Variants in FAM83B observed in about 807,000 individuals in gnomAD.
The protein encoded by FAM83B is protein FAM83B.
FAM83B carries 26 observed loss-of-function variants against 38.8 expected under a neutral mutation model. The observed-to-expected ratio is 0.67, with a 90% CI of 0.49 to 0.93. The LOEUF (loss-of-function observed/expected upper bound fraction) is 0.93. Ranked by LOEUF, FAM83B falls within the 40% of genes least tolerant of loss-of-function variation. The pLI, the probability that FAM83B is intolerant of heterozygous loss-of-function variation, is 0.00. For synonymous variants in FAM83B, 419 were observed against 423.1 expected (o/e 0.99, Z 0.12); for missense variants, 1,237 against 1,197.3 (o/e 1.03, Z -0.49).
chr6:54,921,890 TA>T (rs112085812), intron 2 of FAM83B, among the ~76,000 whole-genome samples: 75 of 149,844 alleles, frequency 5.0e-4, no homozygotes, highest in Admixed American at 6.0e-4. Context: ...ACCCATCATT[TA>T]AAAAAAAAAG....
intron 2 of FAM83B, among the ~76,000 whole-genome samples, chr6:54,908,846 A>AAATG (rs1253748759): frequency 1.1e-4 from 16 of 152,300 alleles, no homozygotes; most frequent in African/African-American, 3.6e-4. Context: ...GGAACCCCTC[A>AAATG]GGTATACCCA....
intron 1 of FAM83B, among the ~76,000 whole-genome samples, chr6:54,852,832 C>T (rs1466913396): frequency 6.6e-6 from 1 of 152,212 alleles, no homozygotes; most frequent in Non-Finnish European, 1.5e-5. Context: ...GAATTCAAGG[C>T]TGTTCAATCT....
At chr6:54,934,598 G>C (rs1020952819) in intron 4 of FAM83B, among the ~76,000 whole-genome samples, 1 of 152,030 alleles carries the variant, frequency 6.6e-6, no homozygotes, top group African/African-American at 2.4e-5. Flanking sequence ...GAGAGCTGAG[G>C]GTCTGATAAG....
At chr6:54,867,649 TGTTTTCATGGTTTG>T (rs1561907616) in intron 1 of FAM83B, among the ~76,000 whole-genome samples, 2 of 152,140 alleles carry the variant, frequency 1.3e-5, no homozygotes, top group African/African-American at 4.8e-5. Context: ...AATTTATCTA[TGTTTTCATGGTTTG>T]GTTTTCATGG....
At chr6:54,862,871 C>G (rs545721295) in intron 1 of FAM83B, among the ~76,000 whole-genome samples, 6 of 151,130 alleles carry the variant, frequency 4.0e-5, no homozygotes, top group Admixed American at 1.3e-4. Flanking sequence ...GTGCAAAAAC[C>G]CCCCCCCAAA....
At position 54,939,918 on chromosome 6, in the gene FAM83B, T is replaced by A. The variant is rs1773620412; in HGVS notation, c.947T>A (p.Val316Asp). ...CATTCGGTGTCTTCATTAGCATCTG[T>A]TTCCAGCCAGAGAAACCTTTTTGGT... ...YQHSVSSLASVSSQRNLFGRQ... is the reference protein window; with the variant it reads ...YQHSVSSLASDSSQRNLFGRQ... Residue 316 changes from valine to aspartate, a missense_variant, in exon 5 of 5, where the codon GTT (valine) becomes GAT (aspartate). By Grantham distance (152) the Val-to-Asp change is radical (BLOSUM62 -3). Transcript: ENST00000306858. 1 of 1,613,936 alleles carries A rather than the reference T, an allele frequency of 6.2e-7. No homozygotes were observed. Among genetic ancestry groups the A allele is most frequent in the Non-Finnish European group, 8.5e-7 (1 of 1,179,996 alleles).
Position 54,870,359 on chromosome 6 carries a change from A to G in FAM83B, c.113A>G (p.His38Arg), listed in dbSNP as rs770393974. 6 of 1,613,966 alleles carry G rather than the reference A, an allele frequency of 3.7e-6. No homozygotes were observed. Among genetic ancestry groups the G allele is most frequent in the Non-Finnish European group, 5.1e-6 (6 of 1,179,962 alleles). The change falls in exon 2 of 5, where the codon CAC (histidine) becomes CGC (arginine). Residue 38 changes from histidine (H) to arginine (R), a missense_variant. Physicochemically the swap from His to Arg is conservative, Grantham distance 29. Transcript: ENST00000306858. ...GTAGCCATTGATATTCTGATTGAACACGGGTTAGAAGCATACCAAGAATTT... is the reference window on the plus strand; with the variant it reads ...GTAGCCATTGATATTCTGATTGAACGCGGGTTAGAAGCATACCAAGAATTT... ...YRVAIDILIE[H>R]GLEAYQEFLV...
chr6:54,852,520 T>C (rs533444963), intron 1 of FAM83B, among the ~76,000 whole-genome samples: 1 of 152,292 alleles, frequency 6.6e-6, no homozygotes, highest in Non-Finnish European at 1.5e-5. Flanking sequence ...TCCCACTCCT[T>C]GGGCACAGTA....
chr6:54,917,035 G>A (rs1346902950), intron 2 of FAM83B, among the ~76,000 whole-genome samples: 1 of 152,140 alleles, frequency 6.6e-6, no homozygotes, highest in African/African-American at 2.4e-5. Context: ...AGGTACTGAT[G>A]ACACATAATT....
chr6:54,901,579 T>G (rs1772662202), intron 2 of FAM83B, among the ~76,000 whole-genome samples: 1 of 152,168 alleles, frequency 6.6e-6, no homozygotes, highest in Non-Finnish European at 1.5e-5. Flanking sequence ...TATTAAAAAT[T>G]TCATTGTTTC....
chr6:54,891,731 G>A (rs4712081), intron 2 of FAM83B, among the ~76,000 whole-genome samples: 45,398 of 152,126 alleles, frequency 0.3, 8,553 homozygotes, highest in East Asian at 0.8. Context: ...TAGATGCCAA[G>A]ACTACAGTAT....
chr6:54,904,537 C>T (rs992685860), intron 2 of FAM83B, among the ~76,000 whole-genome samples: 12 of 152,154 alleles, frequency 7.9e-5, no homozygotes, highest in Admixed American at 1.3e-4. Context: ...TGCCTGTCAG[C>T]GAATGAGAGC....
chr6:54,942,132 G>A lies in FAM83B; in HGVS notation c.*125G>A, dbSNP rs1256350228. On this transcript the variant is annotated 3_prime_UTR_variant, in exon 5 of 5. Coordinates refer to ENST00000306858, the MANE Select transcript of FAM83B (RefSeq NM_001010872.3). The stretch of plus-strand genomic sequence containing the variant: ...ATGGGTATGATGTATATGTTCACCA[G>A]TGTCCTAGTATAAAGTTATTTTTCT... 1.1e-6 allele frequency: 1 copy of A among 951,298 alleles called. No individual in the cohort carries two copies. The highest frequency in any genetic ancestry group is 1.7e-5 in the African/African-American group (1 of 60,060). 58.9% of individuals were successfully genotyped at this position (951,298 alleles called of 1,614,324 possible).
intron 2 of FAM83B, among the ~76,000 whole-genome samples, chr6:54,882,325 G>A (rs1176726933): frequency 6.6e-6 from 1 of 152,218 alleles, no homozygotes; most frequent in Non-Finnish European, 1.5e-5. Flanking sequence ...GTGCCAGGCA[G>A]TGTTTGAAGC....
At chr6:54,883,986 A>G (rs776786018) in intron 2 of FAM83B, among the ~76,000 whole-genome samples, 43 of 152,012 alleles carry the variant, frequency 2.8e-4, no homozygotes, top group Non-Finnish European at 6.0e-4. Flanking sequence ...CCTGGCCAAT[A>G]TAGGGAAACC....
intron 1 of FAM83B, among the ~76,000 whole-genome samples, chr6:54,862,388 A>G (rs890214074): frequency 6.6e-6 from 1 of 152,136 alleles, no homozygotes; most frequent in Non-Finnish European, 1.5e-5. Flanking sequence ...TCCAAGGCAC[A>G]CCCTAAAAAC....
chr6:54,870,898 A>G (rs1771837425), intron 2 of FAM83B, among the ~76,000 whole-genome samples: 1 of 152,204 alleles, frequency 6.6e-6, no homozygotes, highest in Non-Finnish European at 1.5e-5. Context: ...TCTCTGCTAA[A>G]GAAAAGAGAT....
intron 2 of FAM83B, among the ~76,000 whole-genome samples, chr6:54,920,355 T>C (rs562393167): frequency 6.6e-6 from 1 of 151,716 alleles, no homozygotes; most frequent in Non-Finnish European, 1.5e-5. Context: ...AAATTAGAAC[T>C]CCCTATGAGT....
intron 2 of FAM83B, among the ~76,000 whole-genome samples, chr6:54,921,572 A>T (rs553962007): frequency 6.6e-6 from 1 of 152,116 alleles, no homozygotes; most frequent in South Asian, 2.1e-4. Context: ...TTCGAATTAT[A>T]ATGCAAGAAT....
Sources: allele counts gnomAD v4.1 joint callset (sites outside exome capture counted in the v4.1 genomes callset), GRCh38; gene constraint gnomAD v4.1.1; transcripts MANE v1.5; gene names NCBI Gene and HGNC (gene_info 2026-07-23, HGNC 2026-07-21).